The following CADM2 variants were observed in gnomAD, a reference collection of about 807,000 sequenced individuals.
The protein encoded by CADM2 is immunoglobulin superfamily member 4D.
In CADM2, 12 loss-of-function variants were observed where a neutral mutation model predicts 49.8. The ratio of observed to expected loss-of-function variants is 0.24; its 90% confidence interval spans 0.15 to 0.39. The LOEUF is 0.39. Among genes scored for constraint, CADM2 ranks in the 10% least tolerant of loss-of-function variants. The pLI is 1.00. For synonymous variants in CADM2, 214 were observed against 175.4 expected, an observed-to-expected ratio of 1.22 and a Z score of -1.74; for missense variants, 378 against 492.3, an observed-to-expected ratio of 0.77 and a Z score of 2.20.
chr3:85,841,529 T>C (rs2074637213), intron 3 of CADM2, among the ~76,000 whole-genome samples: 1 of 152,066 alleles, frequency 6.6e-6, no homozygotes, highest in Non-Finnish European at 1.5e-5. Context: ...GAGTCCACAC[T>C]GTTTTCAGCT....
At chr3:85,930,630 A>G (rs1577693031) in intron 6 of CADM2, among the ~76,000 whole-genome samples, 2 of 152,070 alleles carry the variant, frequency 1.3e-5, no homozygotes, top group African/African-American at 2.4e-5. Context: ...GCCTTTGGTA[A>G]CCATCCTTCT....
intron 1 of CADM2, among the ~76,000 whole-genome samples, chr3:85,483,693 C>A (rs896435719): frequency 6.7e-6 from 1 of 149,092 alleles, no homozygotes; most frequent in Non-Finnish European, 1.5e-5. Context: ...ATATCTAATG[C>A]CGTATATCCA....
chr3:85,901,906 T>C (rs1490766912), intron 5 of CADM2, among the ~76,000 whole-genome samples: 1 of 152,212 alleles, frequency 6.6e-6, no homozygotes, highest in Non-Finnish European at 1.5e-5. Context: ...ATGTGTTTTT[T>C]GTGATTAGCT....
intron 8 of CADM2, among the ~76,000 whole-genome samples, chr3:85,986,365 T>C (rs949160408): frequency 1.3e-5 from 2 of 152,088 alleles, no homozygotes; most frequent in African/African-American, 4.8e-5. Context: ...TTTGGAGTAG[T>C]AGAATATATC....
chr3:85,603,371 G>GT (rs548151941), intron 1 of CADM2, among the ~76,000 whole-genome samples: 14 of 150,590 alleles, frequency 9.3e-5, no homozygotes, highest in East Asian at 3.9e-4. Context: ...TGCAAACAAG[G>GT]TTTTTTTAAG....
intron 8 of CADM2, among the ~76,000 whole-genome samples, chr3:85,963,451 T>G (rs1725088574): frequency 6.6e-6 from 1 of 151,822 alleles, no homozygotes; most frequent in Admixed American, 6.6e-5. Flanking sequence ...AGAGTAGATT[T>G]CAGTTGATGC....
At chr3:85,733,827 CAATT>C (rs1241615855) in intron 2 of CADM2, among the ~76,000 whole-genome samples, 8 of 152,218 alleles carry the variant, frequency 5.3e-5, no homozygotes, top group South Asian at 2.1e-4. Context: ...TTCTGGGACT[CAATT>C]CATTCAGTTG....
At chr3:85,208,738 A>G (rs2041709780) in intron 1 of CADM2, among the ~76,000 whole-genome samples, 1 of 152,136 alleles carries the variant, frequency 6.6e-6, no homozygotes, top group Non-Finnish European at 1.5e-5. Flanking sequence ...TTGAAATTAA[A>G]AATAATCTCT....
At chr3:85,658,050 C>T (rs1271546135) in intron 1 of CADM2, among the ~76,000 whole-genome samples, 1 of 152,002 alleles carries the variant, frequency 6.6e-6, no homozygotes, top group Non-Finnish European at 1.5e-5. Context: ...GAGCCATGAA[C>T]TGATGAGAAT....
At chr3:85,699,720 C>T (rs1463747393) in intron 1 of CADM2, among the ~76,000 whole-genome samples, 1 of 152,226 alleles carries the variant, frequency 6.6e-6, no homozygotes, top group Non-Finnish European at 1.5e-5. Context: ...CCTAGGCCTC[C>T]AGGCCTGTGA....
chr3:85,792,380 G>GT (rs2071386267), intron 2 of CADM2, among the ~76,000 whole-genome samples: 1 of 152,104 alleles, frequency 6.6e-6, no homozygotes, highest in Non-Finnish European at 1.5e-5. Flanking sequence ...TTAACATCTT[G>GT]TTTTTTGTTT....
At chr3:85,062,023 GTCTCTGTC>G (rs896052919) in intron 1 of CADM2, among the ~76,000 whole-genome samples, 34 of 151,202 alleles carry the variant, frequency 2.2e-4, no homozygotes, top group Non-Finnish European at 5.9e-5. Context: ...CTGTCTCTCT[GTCTCTGTC>G]TCTCTGTCTC....
chr3:85,124,742 G>C (rs1252151935), intron 1 of CADM2, among the ~76,000 whole-genome samples: 1 of 152,144 alleles, frequency 6.6e-6, no homozygotes, highest in Non-Finnish European at 1.5e-5. Flanking sequence ...CAGAGTAATT[G>C]TATTATTACA....
At chr3:85,736,209 C>T (rs1466103452) in intron 2 of CADM2, among the ~76,000 whole-genome samples, 3 of 152,124 alleles carry the variant, frequency 2.0e-5, no homozygotes, top group African/African-American at 7.2e-5. Flanking sequence ...GGGGCAAATG[C>T]TCTTCATAAG....
At chr3:85,170,584 C>A (rs1482897886) in intron 1 of CADM2, among the ~76,000 whole-genome samples, 1 of 152,154 alleles carries the variant, frequency 6.6e-6, no homozygotes, top group Non-Finnish European at 1.5e-5. Flanking sequence ...GCTTCCGTCT[C>A]CATCTCCCAT....
chr3:85,929,108 A>G (rs993064472), intron 6 of CADM2, among the ~76,000 whole-genome samples: 5 of 152,052 alleles, frequency 3.3e-5, no homozygotes, highest in African/African-American at 1.2e-4. Context: ...ACTAATTGGT[A>G]CAATACAATA....
intron 1 of CADM2, among the ~76,000 whole-genome samples, chr3:85,491,365 T>C (rs1409844831): frequency 6.6e-6 from 1 of 152,180 alleles, no homozygotes; most frequent in African/African-American, 2.4e-5. Context: ...AAGGGAGTTG[T>C]TTGGTTTGGT....
In CADM2 at chr3:85,563,547, CCTT is replaced by C. The variant is rs2107192079; in HGVS notation, c.62-162974_62-162972del. On this transcript the variant is annotated intron_variant, in intron 1 of 9. Coordinates refer to ENST00000383699, the MANE Select transcript of CADM2 (RefSeq NM_001167675.2). ...TTTTTGTGTGTAGGCCAGCATGACTCCTTGAATGAAACTCATGACTCCTTTGAG... is the reference window on the plus strand; with the variant it reads ...TTTTTGTGTGTAGGCCAGCATGACTCGAATGAAACTCATGACTCCTTTGAG... 2.0e-5 allele frequency among the ~76,000 whole-genome samples: 3 copies of C among 152,062 alleles called. No individual in the cohort carries two copies. In the South Asian group the frequency reaches 6.2e-4, roughly 32 times the overall value.
chr3:85,855,081 G>A (rs924502652), intron 3 of CADM2, among the ~76,000 whole-genome samples: 1 of 152,044 alleles, frequency 6.6e-6, no homozygotes, highest in African/African-American at 2.4e-5. Flanking sequence ...CTGATTTTCA[G>A]GCTCCTCTTC....
Sources: allele counts gnomAD v4.1 joint callset (sites outside exome capture counted in the v4.1 genomes callset), GRCh38; gene constraint gnomAD v4.1.1; transcripts MANE v1.5; gene names NCBI Gene and HGNC (gene_info 2026-07-23, HGNC 2026-07-21).